The following RNF113A variants were observed in gnomAD, a reference collection of about 807,000 sequenced individuals.
RNF113A encodes the protein ring finger protein 113A.
For synonymous variants in RNF113A, 80 were observed against 110.5 expected, an observed-to-expected ratio of 0.72 and a Z score of 1.73; for missense variants, 180 against 285.4, an observed-to-expected ratio of 0.63 and a Z score of 2.66.
In RNF113A at chrX:119,871,287, C is replaced by T. The variant is rs1302131020; in HGVS notation, c.327G>A (p.Val109=). The change falls in exon 1 of 1, where the codon GTG becomes GTA. Residue 109 remains valine, a synonymous_variant. Transcript: ENST00000371442. ...CTGTCGCTCCCATATCCTCTGGTCCCACGGGTTTCGCCGAACGGGTGGATT... is the reference window on the plus strand; with the variant it reads ...CTGTCGCTCCCATATCCTCTGGTCCTACGGGTTTCGCCGAACGGGTGGATT... ...VYKSTRSAKP[V]GPEDMGATAV... 2 of 1,209,560 alleles carry T rather than the reference C, an allele frequency of 1.7e-6. No homozygotes were observed. The highest frequency in any genetic ancestry group is 2.2e-6 in the Non-Finnish European group (2 of 895,279).
Position 119,870,755 on chromosome X carries a change from G to A in RNF113A, c.859C>T (p.Leu287=). The A allele has an allele frequency of 8.3e-7, 1 of 1,211,963 alleles. No homozygotes were observed. The highest frequency in any genetic ancestry group is 2.2e-5 in the Admixed American group (1 of 45,997). The change falls in exon 1 of 1, where the codon CTG becomes TTG. Residue 287 remains leucine (L), a synonymous_variant. Coordinates refer to ENST00000371442, the MANE Select transcript of RNF113A (RefSeq NM_006978.3). ...CRHYFCESCA[L]QHFRTTPRCY... is the part of the protein sequence containing the mutation. ...CGCGGGGTGGTGCGGAAATGCTGCAGTGCACAGCTCTCGCAGAAATAATGC... is the reference window on the plus strand; with the variant it reads ...CGCGGGGTGGTGCGGAAATGCTGCAATGCACAGCTCTCGCAGAAATAATGC...
chrX:119,870,647 T>C lies in RNF113A; in HGVS notation c.967A>G (p.Thr323Ala). ...AAGTCGGAAGCACCACCCTCTCCTG[T>C]AGCTCGATGCTTCTCTAGTTTAGCA... ...LIAKLEKHRA[T>A]GEGGASDLPE... Residue 323 changes from threonine (T) to alanine (A), a missense_variant, in exon 1 of 1, where the codon ACA becomes GCA. By Grantham distance (58) the Thr-to-Ala change is moderately conservative. Coordinates refer to ENST00000371442, the MANE Select transcript of RNF113A (RefSeq NM_006978.3). 8.3e-7 allele frequency: 1 copy of C among 1,211,904 alleles called. No individual in the cohort carries two copies.
Position 119,870,868 on chromosome X carries a change from T to C in RNF113A, c.746A>G (p.Tyr249Cys), listed in dbSNP as rs770001472. Reference sequence around the variant, plus strand: ...TTCCTCATCATCGCTTCCCACTTCATAGTTTTCATCCTCATAGACACCATA... The same window carrying C: ...TTCCTCATCATCGCTTCCCACTTCACAGTTTTCATCCTCATAGACACCATA... ...GRYGVYEDENYEVGSDDEEIP... is the reference protein window; with the variant it reads ...GRYGVYEDENCEVGSDDEEIP... The change falls in exon 1 of 1, where the codon TAT becomes TGT. Residue 249 changes from tyrosine (Y) to cysteine (C), a missense_variant. By Grantham distance (194) the Tyr-to-Cys change is radical (BLOSUM62 -2). Coordinates refer to ENST00000371442, the MANE Select transcript of RNF113A (RefSeq NM_006978.3). The C allele has an allele frequency of 3.3e-6, 4 of 1,211,693 alleles. No homozygotes were observed. Among genetic ancestry groups the C allele is most frequent in the Non-Finnish European group, 4.5e-6 (4 of 895,524 alleles).
In RNF113A at chrX:119,871,333, T is replaced by G. The variant is rs762732386; in HGVS notation, c.281A>C (p.Glu94Ala). Residue 94 changes from glutamate (E) to alanine (A), a missense_variant, in exon 1 of 1, where the codon GAG (glutamate) becomes GCG (alanine). By Grantham distance (107) the Glu-to-Ala change is moderately radical. Transcript: ENST00000371442. ...GGATTTATAAACCACGCCGAGACTC[T>G]CGGGCTCATTTTCCTCTTCCTCTTC... ...SSEEEEENEP[E>A]SLGVVYKSTR... The G allele has an allele frequency of 1.7e-6, 2 of 1,211,514 alleles. No homozygotes were observed. The highest frequency in any genetic ancestry group is 3.5e-5 in the African/African-American group (2 of 57,771).
At position 119,871,190 on chromosome X, in the gene RNF113A, C is replaced by T. The variant is rs1205222146; in HGVS notation, c.424G>A (p.Glu142Lys). The T allele has an allele frequency of 2.1e-5, 25 of 1,211,310 alleles. No individual in the cohort carries two copies. Among genetic ancestry groups the T allele is most frequent in the African/African-American group, 3.5e-5 (2 of 57,806 alleles). The change falls in exon 1 of 1, where the codon GAG becomes AAG. Residue 142 changes from glutamate (E) to lysine (K), a missense_variant. Physicochemically the swap from Glu to Lys is moderately conservative, Grantham distance 56. Coordinates refer to ENST00000371442, the MANE Select transcript of RNF113A (RefSeq NM_006978.3). ...AIFERSQKIQ[E>K]ELRGKEDDKI... ...TCATCCTCCTTGCCCCTCAGCTCCT[C>T]CTGGATCTTCTGGCTGCGCTCAAAG...
In RNF113A at chrX:119,870,622, A is replaced by C. The variant is rs774120834; in HGVS notation, c.992T>G (p.Leu331Trp). Residue 331 changes from leucine (L) to tryptophan (W), a missense_variant, in exon 1 of 1, where the codon TTG becomes TGG. Transcript: ENST00000371442. ...TGCATCCTCATCGGGGTCTTCTGGC[A>C]AGTCGGAAGCACCACCCTCTCCTGT... The part of the protein sequence containing the change: ...RATGEGGASD[L>W]PEDPDEDAIP... 17 of 1,209,991 alleles carry C rather than the reference A, an allele frequency of 1.4e-5. No individual in the cohort carries two copies. Among genetic ancestry groups the C allele is most frequent in the Non-Finnish European group, 1.9e-5 (17 of 894,474 alleles).
Position 119,870,971 on chromosome X carries a change from C to T in RNF113A, c.643G>A (p.Asp215Asn). The change falls in exon 1 of 1, where the codon GAC becomes AAC. Residue 215 changes from aspartate to asparagine, a missense_variant. Asp to Asn is a conservative substitution (Grantham distance 23). Transcript: ENST00000371442. ...CGGTCATGGAGGAATTTGCAGCTGT[C>T]TCCGAAGCCGCAGAAGCCAGTCTCT... ...YKETGFCGFGDSCKFLHDRSD... is the reference protein window; with the variant it reads ...YKETGFCGFGNSCKFLHDRSD... 1 of 1,211,580 alleles carries T rather than the reference C, an allele frequency of 8.3e-7. No individual in the cohort carries two copies. Among genetic ancestry groups the T allele is most frequent in the African/African-American group, 1.7e-5 (1 of 57,695 alleles).
chrX:119,870,790 G>C lies in RNF113A; in HGVS notation c.824C>G (p.Thr275Ser). ...CRQSFQNPVV[T>S]KCRHYFCESC... ...CTCGCAGAAATAATGCCTGCACTTG[G>C]TGACAACTGGGTTTTGGAAGCTCTG... Residue 275 changes from threonine (T) to serine (S), a missense_variant, in exon 1 of 1, where the codon ACC becomes AGC. Physicochemically the swap from Thr to Ser is moderately conservative, Grantham distance 58. Coordinates refer to ENST00000371442, the MANE Select transcript of RNF113A (RefSeq NM_006978.3). 1 of 1,211,929 alleles carries C rather than the reference G, an allele frequency of 8.3e-7. No homozygotes were observed. Among genetic ancestry groups the C allele is most frequent in the Non-Finnish European group, 1.1e-6 (1 of 895,558 alleles).
chrX:119,871,685 T>G lies in RNF113A; in HGVS notation c.-72A>C. The G allele has an allele frequency of 1.9e-6, 2 of 1,071,169 alleles. No homozygotes were observed. The highest frequency in any genetic ancestry group is 2.5e-6 in the Non-Finnish European group (2 of 791,831). 88.3% of individuals were successfully genotyped at this position (1,071,169 alleles called of 1,213,427 possible). Reference sequence around the variant, plus strand: ...TTGGCCCCTGCACGTCACTCCACGTTGCGCGCTCCGCCGGGAGTCGAAGCA... The same window carrying G: ...TTGGCCCCTGCACGTCACTCCACGTGGCGCGCTCCGCCGGGAGTCGAAGCA... On this transcript the variant is annotated 5_prime_UTR_variant, in exon 1 of 1. Transcript: ENST00000371442.
Position 119,871,479 on chromosome X carries a change from G to T in RNF113A, c.135C>A (p.Ser45Arg). The T allele has an allele frequency of 1.6e-6, 2 of 1,212,321 alleles. No individual in the cohort carries two copies. Among genetic ancestry groups the T allele is most frequent in the Non-Finnish European group, 2.2e-6 (2 of 895,648 alleles). ...ACDPEPGESG[S>R]SSDEGCTVVR... ...CCACAGTGCAGCCTTCGTCGCTACT[G>T]CTGCCGCTTTCTCCGGGCTCTGGGT... The change falls in exon 1 of 1, where the codon AGC (serine) becomes AGA (arginine). Residue 45 changes from serine to arginine, a missense_variant. Physicochemically the swap from Ser to Arg is moderately radical, Grantham distance 110. Coordinates refer to ENST00000371442, the MANE Select transcript of RNF113A (RefSeq NM_006978.3).
chrX:119,870,892 T>G lies in RNF113A; in HGVS notation c.722A>C (p.Tyr241Ser). ...ATAGTTTTCATCCTCATAGACACCA[T>G]AGCGACCCTCATCAAGCTCACGTTC... ...QIERELDEGR[Y>S]GVYEDENYEV... is the part of the protein sequence containing the mutation. Residue 241 changes from tyrosine to serine, a missense_variant, in exon 1 of 1, where the codon TAT (tyrosine) becomes TCT (serine). Coordinates refer to ENST00000371442, the MANE Select transcript of RNF113A (RefSeq NM_006978.3). The G allele has an allele frequency of 8.3e-7, 1 of 1,211,594 alleles. No individual in the cohort carries two copies. Among genetic ancestry groups the G allele is most frequent in the Non-Finnish European group, 1.1e-6 (1 of 895,474 alleles).
At position 119,870,892 on chromosome X, in the gene RNF113A, T is replaced by C; in HGVS notation, c.722A>G (p.Tyr241Cys). ...ATAGTTTTCATCCTCATAGACACCATAGCGACCCTCATCAAGCTCACGTTC... is the reference window on the plus strand; with the variant it reads ...ATAGTTTTCATCCTCATAGACACCACAGCGACCCTCATCAAGCTCACGTTC... ...QIERELDEGR[Y>C]GVYEDENYEV... is the part of the protein sequence containing the mutation. The change falls in exon 1 of 1, where the codon TAT (tyrosine) becomes TGT (cysteine). Residue 241 changes from tyrosine (Y) to cysteine (C), a missense_variant. Transcript: ENST00000371442. The C allele has an allele frequency of 8.3e-7, 1 of 1,211,594 alleles. No individual in the cohort carries two copies. The highest frequency in any genetic ancestry group is 1.1e-6 in the Non-Finnish European group (1 of 895,474).
Position 119,870,696 on chromosome X carries a change from G to A in RNF113A, c.918C>T (p.Val306=). The A allele has an allele frequency of 8.3e-7, 1 of 1,211,769 alleles. No homozygotes were observed. Among genetic ancestry groups the A allele is most frequent in the Non-Finnish European group, 1.1e-6 (1 of 895,512 alleles). Residue 306 remains valine (V), a synonymous_variant, in exon 1 of 1, where the codon GTC becomes GTT. Transcript: ENST00000371442. ...CAATCAATTCTTTCGCTGGATTGAA[G>A]ACGCCATTGGTCTGCTGGTCACAGA... ...CYVCDQQTNG[V]FNPAKELIAK...
At position 119,871,219 on chromosome X, in the gene RNF113A, G is replaced by C. The variant is rs2056408846; in HGVS notation, c.395C>G (p.Ala132Gly). 8.3e-7 allele frequency: 1 copy of C among 1,211,355 alleles called. No homozygotes were observed. Among genetic ancestry groups the C allele is most frequent in the South Asian group, 1.8e-5 (1 of 57,003 alleles). The stretch of plus-strand genomic sequence containing the variant: ...GATCTTCTGGCTGCGCTCAAAGATG[G>C]CTTGTGCATCGCGCTCTTTCTCTGT... ...LDTEKERDAQAIFERSQKIQE... is the reference protein window; with the variant it reads ...LDTEKERDAQGIFERSQKIQE... Residue 132 changes from alanine to glycine, a missense_variant, in exon 1 of 1, where the codon GCC (alanine) becomes GGC (glycine). Coordinates refer to ENST00000371442, the MANE Select transcript of RNF113A (RefSeq NM_006978.3).
At position 119,870,724 on chromosome X, in the gene RNF113A, T is replaced by C. The variant is rs915719794; in HGVS notation, c.890A>G (p.Tyr297Cys). The change falls in exon 1 of 1, where the codon TAT (tyrosine) becomes TGT (cysteine). Residue 297 changes from tyrosine to cysteine, a missense_variant. By Grantham distance (194) the Tyr-to-Cys change is radical. Transcript: ENST00000371442. Reference protein sequence around the residue: ...LQHFRTTPRCYVCDQQTNGVF... With the variant: ...LQHFRTTPRCCVCDQQTNGVF... ...GCCATTGGTCTGCTGGTCACAGACA[T>C]AGCAGCGCGGGGTGGTGCGGAAATG... 3 of 1,211,781 alleles carry C rather than the reference T, an allele frequency of 2.5e-6. No individual in the cohort carries two copies. The highest frequency in any genetic ancestry group is 1.7e-5 in the African/African-American group (1 of 57,793).
Position 119,871,075 on chromosome X carries a change from T to C in RNF113A, c.539A>G (p.Lys180Arg), listed in dbSNP as rs1465277037. ...MGNASSGMVR[K>R]GPIRAPEHLR... ...ATGCTCGGGCGCTCGGATGGGGCCC[T>C]TCCTCACCATCCCGGAAGAGGCATT... The change falls in exon 1 of 1, where the codon AAG becomes AGG. Residue 180 changes from lysine (K) to arginine (R), a missense_variant. Lys to Arg is a conservative substitution (Grantham distance 26). Transcript: ENST00000371442. The C allele has an allele frequency of 8.3e-7, 1 of 1,209,686 alleles. No homozygotes were observed. Among genetic ancestry groups the C allele is most frequent in the African/African-American group, 1.8e-5 (1 of 57,051 alleles).
At position 119,871,179 on chromosome X, in the gene RNF113A, C is replaced by G. The variant is rs764575868; in HGVS notation, c.435G>C (p.Arg145Ser). Residue 145 changes from arginine to serine, a missense_variant, in exon 1 of 1, where the codon AGG becomes AGC. Physicochemically the swap from Arg to Ser is moderately radical, Grantham distance 110. Transcript: ENST00000371442. ...GATAGATCTTGTCATCCTCCTTGCC[C>G]CTCAGCTCCTCCTGGATCTTCTGGC... The part of the protein sequence containing the change: ...ERSQKIQEEL[R>S]GKEDDKIYRG... The G allele has an allele frequency of 1.3e-5, 16 of 1,208,931 alleles. No individual in the cohort carries two copies. In the South Asian group the frequency reaches 2.6e-4, roughly 20 times the overall value.
At position 119,871,505 on chromosome X, in the gene RNF113A, C is replaced by T. The variant is rs1292328974; in HGVS notation, c.109G>A (p.Asp37Asn). The T allele has an allele frequency of 7.4e-6, 9 of 1,212,379 alleles. No homozygotes were observed. The highest frequency in any genetic ancestry group is 8.9e-6 in the Non-Finnish European group (8 of 895,637). Residue 37 changes from aspartate (D) to asparagine (N), a missense_variant, in exon 1 of 1, where the codon GAC (aspartate) becomes AAC (asparagine). Transcript: ENST00000371442. Reference protein sequence around the residue: ...AAGRRKRPACDPEPGESGSSS... With the variant: ...AAGRRKRPACNPEPGESGSSS... ...CTGCCGCTTTCTCCGGGCTCTGGGT[C>T]GCAGGCCGGGCGCTTTCTGCGTCCA...
chrX:119,871,319 C>G lies in RNF113A; in HGVS notation c.295G>C (p.Val99Leu), dbSNP rs957615955. The G allele has an allele frequency of 3.3e-6, 4 of 1,211,464 alleles. No homozygotes were observed. Among genetic ancestry groups the G allele is most frequent in the Non-Finnish European group, 4.5e-6 (4 of 895,566 alleles). The change falls in exon 1 of 1, where the codon GTT (valine) becomes CTT (leucine). Residue 99 changes from valine to leucine, a missense_variant. By Grantham distance (32) the Val-to-Leu change is conservative. Transcript: ENST00000371442. ...EENEPESLGV[V>L]YKSTRSAKPV... ...TTCGCCGAACGGGTGGATTTATAAA[C>G]CACGCCGAGACTCTCGGGCTCATTT...
Sources: allele counts gnomAD v4.1 joint callset, GRCh38; gene constraint gnomAD v4.1.1; transcripts MANE v1.5; gene names NCBI Gene and HGNC (gene_info 2026-07-23, HGNC 2026-07-21).